Variants in MAP3K13 observed in about 807,000 individuals in gnomAD.
The protein encoded by MAP3K13 is mitogen-activated protein kinase kinase kinase 13, also known as leucine zipper-bearing kinase.
Under a neutral mutation model 104.0 loss-of-function variants are expected in MAP3K13, and 52 were observed. That is an observed-to-expected ratio of 0.50 (90% CI 0.40 to 0.63). The LOEUF is 0.63. MAP3K13 is among the 20% of genes least tolerant of loss of function. MAP3K13 has a pLI of 0.00. For synonymous variants in MAP3K13, 394 were observed against 442.2 expected (o/e 0.89, Z 1.37); for missense variants, 914 against 1,218.5 (o/e 0.75, Z 3.72).
chr3:185,334,071 A>G (rs1480392146), intron 2 of MAP3K13, among the ~76,000 whole-genome samples: 3 of 152,140 alleles, frequency 2.0e-5, no homozygotes, highest in Non-Finnish European at 4.4e-5. Flanking sequence ...AAGAAAGAAA[A>G]TAAGAAAAAA....
intron 1 of MAP3K13, among the ~76,000 whole-genome samples, chr3:185,410,507 C>T (rs756059877): frequency 2.6e-5 from 4 of 151,678 alleles, no homozygotes; most frequent in African/African-American, 9.7e-5. Flanking sequence ...TTAATGTTCC[C>T]AACACAAAAA....
chr3:185,458,873 C>T (rs551077234), intron 7 of MAP3K13, among the ~76,000 whole-genome samples: 22 of 152,286 alleles, frequency 1.4e-4, no homozygotes, highest in African/African-American at 4.8e-4. Flanking sequence ...ACAAAGCAAC[C>T]GATTTCAATA....
chr3:185,371,706 A>G (rs767516986), intron 1 of MAP3K13, among the ~76,000 whole-genome samples: 1 of 152,212 alleles, frequency 6.6e-6, no homozygotes, highest in Non-Finnish European at 1.5e-5. Flanking sequence ...ACGGTAGCTC[A>G]GCTGATGAGG....
intron 10 of MAP3K13, among the ~76,000 whole-genome samples, chr3:185,470,002 G>A (rs1717683875): frequency 6.6e-6 from 1 of 152,178 alleles, no homozygotes. Context: ...ACACCCAAGG[G>A]CTTGTACAGA....
chr3:185,325,306 G>A (rs2108699872), intron 2 of MAP3K13, among the ~76,000 whole-genome samples: 1 of 152,264 alleles, frequency 6.6e-6, no homozygotes, highest in East Asian at 1.9e-4. Flanking sequence ...CTCTCACAAG[G>A]ACAGGTCATT....
intron 2 of MAP3K13, among the ~76,000 whole-genome samples, chr3:185,294,371 T>C (rs920927083): frequency 6.6e-6 from 1 of 152,208 alleles, no homozygotes; most frequent in African/African-American, 2.4e-5. Context: ...GAACTAATTT[T>C]TTAGTGCTTT....
intron 1 of MAP3K13, among the ~76,000 whole-genome samples, chr3:185,401,567 C>T (rs1211048378): frequency 6.6e-6 from 1 of 152,164 alleles, no homozygotes; most frequent in Non-Finnish European, 1.5e-5. Flanking sequence ...ACTCCCTACC[C>T]CACCACTCCC....
chr3:185,292,798 A>G (rs1439879390), intron 2 of MAP3K13: 2 of 985,204 alleles, frequency 2.0e-6, no homozygotes, highest in Non-Finnish European at 2.4e-6. Flanking sequence ...GGCTAATTCT[A>G]AGAAGGAGCA....
At position 185,483,354 on chromosome 3, in the gene MAP3K13, G is replaced by A. The variant is rs964603454; in HGVS notation, c.*898G>A. On this transcript the variant is annotated 3_prime_UTR_variant, in exon 14 of 14. Transcript: ENST00000265026. ...CAACGTGTTGATCTTTCATACTCAA[G>A]TGCCATTTCCTTGTAGCTCATTTCC... 5 of 231,788 alleles carry A rather than the reference G, an allele frequency of 2.2e-5. No homozygotes were observed. Among genetic ancestry groups the A allele is most frequent in the Non-Finnish European group, 4.3e-5 (5 of 117,256 alleles). 14.4% of individuals were successfully genotyped at this position (231,788 alleles called of 1,614,324 possible).
At chr3:185,367,058 A>T (rs1468341703) in intron 1 of MAP3K13, among the ~76,000 whole-genome samples, 1 of 152,184 alleles carries the variant, frequency 6.6e-6, no homozygotes, top group African/African-American at 2.4e-5. Context: ...TTATAGTTTT[A>T]GCTCCACATT....
chr3:185,445,112 C>A (rs1209247922), intron 4 of MAP3K13, among the ~76,000 whole-genome samples: 2 of 151,984 alleles, frequency 1.3e-5, no homozygotes, highest in Non-Finnish European at 2.9e-5. Context: ...TTGATCCTGG[C>A]AAAAACTGTG....
At chr3:185,437,049 G>A (rs1491001471) in intron 2 of MAP3K13, among the ~76,000 whole-genome samples, 1 of 138,866 alleles carries the variant, frequency 7.2e-6, no homozygotes, top group African/African-American at 2.6e-5. Context: ...AAGATTCACT[G>A]AGCATCTGCA....
At chr3:185,439,180 A>G (rs545600669) in intron 3 of MAP3K13, among the ~76,000 whole-genome samples, 7 of 152,232 alleles carry the variant, frequency 4.6e-5, no homozygotes, top group African/African-American at 1.7e-4. Flanking sequence ...CTGTGAAAAA[A>G]AGAGAAGCAT....
At chr3:185,414,659 A>G (rs143100560) in intron 1 of MAP3K13, among the ~76,000 whole-genome samples, 1,640 of 152,296 alleles carry the variant, frequency 0.011, 41 homozygotes, top group African/African-American at 0.037. Context: ...GAACTTTCAT[A>G]TATGTCATTG....
At chr3:185,285,351 C>CT (rs912963181) in intron 1 of MAP3K13, 58 of 312,420 alleles carry the variant, frequency 1.9e-4, no homozygotes, top group African/African-American at 1.0e-3. Context: ...AAAATGCAGT[C>CT]TAATTTTGCT....
chr3:185,352,907 T>C (rs886096332), intron 2 of MAP3K13, among the ~76,000 whole-genome samples: 8 of 152,204 alleles, frequency 5.3e-5, no homozygotes, highest in African/African-American at 1.9e-4. Flanking sequence ...CAATATAAAT[T>C]GATTGATTCA....
At chr3:185,407,971 C>T (rs1287226449) in intron 1 of MAP3K13, among the ~76,000 whole-genome samples, 5 of 148,002 alleles carry the variant, frequency 3.4e-5, no homozygotes, top group South Asian at 2.1e-4. Flanking sequence ...TGAACTCCTG[C>T]GCTCAAGTGA....
At chr3:185,396,815 A>G (rs957133874) in intron 1 of MAP3K13, among the ~76,000 whole-genome samples, 8 of 152,030 alleles carry the variant, frequency 5.3e-5, no homozygotes, top group Non-Finnish European at 1.2e-4. Flanking sequence ...GTGAAACCCT[A>G]TGTGCTCAGT....
intron 2 of MAP3K13, chr3:185,291,645 T>C (rs1720743526): frequency 1.3e-6 from 2 of 1,532,600 alleles, no homozygotes; most frequent in Non-Finnish European, 1.7e-6. Flanking sequence ...GACCATGGCC[T>C]ATCATCATTA....
Sources: allele counts gnomAD v4.1 joint callset (sites outside exome capture counted in the v4.1 genomes callset), GRCh38; gene constraint gnomAD v4.1.1; transcripts MANE v1.5; gene names NCBI Gene and HGNC (gene_info 2026-07-23, HGNC 2026-07-21).